ZNF507: variants seen among roughly 807,000 people sequenced by gnomAD.
ZNF507 encodes zinc finger protein 507.
In ZNF507, 29 loss-of-function variants were observed where a neutral mutation model predicts 80.0. That is an observed-to-expected ratio of 0.36 (90% CI 0.27 to 0.49). ZNF507 has a LOEUF of 0.49. Ranked by LOEUF, ZNF507 falls within the 20% of genes least tolerant of loss-of-function variation. The pLI is 0.98. For synonymous variants in ZNF507, 462 were observed against 422.5 expected (o/e 1.09, Z -1.15); for missense variants, 1,081 against 1,152.2 (o/e 0.94, Z 0.90).
Position 32,352,991 on chromosome 19 carries a change from T to C in ZNF507, c.161T>C (p.Ile54Thr). The C allele has an allele frequency of 6.2e-7, 1 of 1,613,972 alleles. No individual in the cohort carries two copies. Among genetic ancestry groups the C allele is most frequent in the South Asian group, 1.1e-5 (1 of 91,034 alleles). Reference protein sequence around the residue: ...LIHVIQKLSKIVENEKSQKCL... With the variant: ...LIHVIQKLSKTVENEKSQKCL... ...CATGTTATCCAGAAGTTAAGCAAGA[T>C]AGTGGAAAATGAAAAGTCACAAAAA... The change falls in exon 3 of 7, where the codon ATA (isoleucine) becomes ACA (threonine). Residue 54 changes from isoleucine (I) to threonine (T), a missense_variant. Coordinates refer to ENST00000355898, the MANE Select transcript of ZNF507 (RefSeq NM_001136156.2).
intron 2 of ZNF507, among the ~76,000 whole-genome samples, chr19:32,348,515 AT>A (rs1967124270): frequency 6.6e-6 from 1 of 152,194 alleles, no homozygotes; most frequent in African/African-American, 2.4e-5. Context: ...CAAATAGCAA[AT>A]TATAAGGAAA....
chr19:32,364,565 T>C (rs1369753564), intron 5 of ZNF507, among the ~76,000 whole-genome samples: 1 of 152,216 alleles, frequency 6.6e-6, no homozygotes, highest in Non-Finnish European at 1.5e-5. Context: ...AGCTCCCACG[T>C]ATCAGTGAGA....
In ZNF507 at chr19:32,355,768, G is replaced by A. The variant is rs768067529; in HGVS notation, c.2127+811G>A. On this transcript the variant is annotated intron_variant, in intron 3 of 6. Transcript: ENST00000355898. ...GTAAAAAGGTCACAGGAGGGAGGCC[G>A]AGGCGGGCAGATCATGAGGTCAGGA... Among the ~76,000 whole-genome samples, 82 of 152,150 alleles carry A rather than the reference G, an allele frequency of 5.4e-4. 1 individual carries two copies. The highest frequency in any genetic ancestry group is 1.5e-3 in the African/African-American group (62 of 41,512).
At chr19:32,368,687 T>A (rs551747952) in intron 5 of ZNF507, among the ~76,000 whole-genome samples, 1 of 152,228 alleles carries the variant, frequency 6.6e-6, no homozygotes, top group Non-Finnish European at 1.5e-5. Flanking sequence ...TATTTTGTTT[T>A]GAAGAGATGA....
chr19:32,371,959 G>T (rs1368920693), intron 5 of ZNF507, among the ~76,000 whole-genome samples: 3 of 152,076 alleles, frequency 2.0e-5, no homozygotes, highest in African/African-American at 7.2e-5. Context: ...TATTCTTAAG[G>T]AGTCTTGCGG....
chr19:32,355,153 C>T (rs1040646721), intron 3 of ZNF507, among the ~76,000 whole-genome samples, 196 bp downstream of exon 3: 5 of 152,128 alleles, frequency 3.3e-5, no homozygotes, highest in South Asian at 2.1e-4. Flanking sequence ...CTGTAGAATC[C>T]TTTTCCCTGC....
intron 5 of ZNF507, among the ~76,000 whole-genome samples, chr19:32,370,642 G>A (rs117388962): frequency 2.5e-3 from 385 of 152,204 alleles, no homozygotes; most frequent in Non-Finnish European, 4.6e-3. Flanking sequence ...ACCCCTTATC[G>A]GATATGTGGT....
rs1967681779 is a variant in ZNF507, at chr19:32,385,856, A to C, written c.*2773A>C. 6.6e-6 allele frequency: 1 copy of C among 152,134 alleles called. No homozygotes were observed. The highest frequency in any genetic ancestry group is 2.1e-4 in the South Asian group (1 of 4,824). The allele number at this position is 152,134 out of a possible 1,614,324, so 9.4% of individuals were successfully genotyped here. On this transcript the variant is annotated 3_prime_UTR_variant, in exon 7 of 7. Transcript: ENST00000355898. ...AAAAAAATTCAGTAGGAATTCCTTC[A>C]TAGAATAACATGTTATTTATTGGTA...
At chr19:32,346,526 C>T (rs767522757) in intron 1 of ZNF507, among the ~76,000 whole-genome samples, 1 of 152,216 alleles carries the variant, frequency 6.6e-6, no homozygotes, top group Admixed American at 6.5e-5. Flanking sequence ...GTACTCCCCT[C>T]TCACTCAGAG....
chr19:32,346,586 CCTCA>C (rs1211431856), intron 1 of ZNF507, among the ~76,000 whole-genome samples: 1 of 152,212 alleles, frequency 6.6e-6, no homozygotes, highest in Admixed American at 6.5e-5. Context: ...CATTCCTTTA[CCTCA>C]CTAACTCGTT....
rs140331462 is a variant in ZNF507, at chr19:32,362,104, G to A, written c.2360+1486G>A. On this transcript the variant is annotated intron_variant, in intron 5 of 6. Transcript: ENST00000355898. ...CTAATTAGAGACGGGGTTTCGCCAG[G>A]TCTTGAACTCCTGGCCTCAAGTGTC... 3.1e-3 allele frequency among the ~76,000 whole-genome samples: 478 copies of A among 152,250 alleles called. 5 individuals carry two copies. The highest frequency in any genetic ancestry group is 0.011 in the African/African-American group (457 of 41,536).
intron 5 of ZNF507, among the ~76,000 whole-genome samples, chr19:32,369,784 A>G (rs1476811167): frequency 6.6e-6 from 1 of 152,178 alleles, no homozygotes; most frequent in East Asian, 1.9e-4. Flanking sequence ...GTTAAAATCT[A>G]CTTATTTAAC....
rs1408795463 is a variant in ZNF507 at position 32,354,730 on chromosome 19, A to G, written c.1900A>G (p.Ile634Val). ...GTCCGGAAACAATGTGGTGGAATAC[A>G]TCCCGAATGCTGAACGACCCTACCG... Reference protein sequence around the residue: ...SLSGNNVVEYIPNAERPYRCR... With the variant: ...SLSGNNVVEYVPNAERPYRCR... Residue 634 changes from isoleucine to valine, a missense_variant, in exon 3 of 7, where the codon ATC becomes GTC. By Grantham distance (29) the Ile-to-Val change is conservative. This residue lies in a region of ZNF507 where 614 missense variants were observed against 583.9 expected (regional missense o/e 1.05). Transcript: ENST00000355898. 3.1e-6 allele frequency: 5 copies of G among 1,614,100 alleles called. No homozygotes were observed. The highest frequency in any genetic ancestry group is 2.5e-6 in the Non-Finnish European group (3 of 1,180,042).
intron 5 of ZNF507, among the ~76,000 whole-genome samples, chr19:32,373,771 T>G (rs182507057): frequency 6.6e-6 from 1 of 152,376 alleles, no homozygotes; most frequent in East Asian, 1.9e-4. Context: ...CTAATTTTGC[T>G]TCCAGCATTA....
rs1361508136 is a variant in ZNF507 at position 32,382,966 on chromosome 19, T to G, written c.2745T>G (p.Ile915Met). Residue 915 changes from isoleucine (I) to methionine (M), a missense_variant, in exon 7 of 7, where the codon ATT becomes ATG. Physicochemically the swap from Ile to Met is conservative, Grantham distance 10. Coordinates refer to ENST00000355898, the MANE Select transcript of ZNF507 (RefSeq NM_001136156.2). ...EYCVLLFCCC[I>M]CGFESTSKEN... ...GCGTTTTACTCTTCTGCTGTTGTAT[T>G]TGTGGTTTTGAATCAACCAGCAAAG... 2 of 1,614,206 alleles carry G rather than the reference T, an allele frequency of 1.2e-6. No homozygotes were observed. The highest frequency in any genetic ancestry group is 2.2e-5 in the South Asian group (2 of 91,084).
rs577929422 is a variant in ZNF507, at chr19:32,377,655, A to G, written c.2361-4812A>G. On this transcript the variant is annotated intron_variant, in intron 5 of 6. Transcript: ENST00000355898. ...AATAACCACGTGTCCATACTGATGT[A>G]TATAAATGGTTGAATAGGTGGGTGA... 4.6e-5 allele frequency among the ~76,000 whole-genome samples: 7 copies of G among 152,308 alleles called. No individual in the cohort carries two copies. In the East Asian group the frequency reaches 1.4e-3, roughly 29 times the overall value.
At position 32,385,804 on chromosome 19, in the gene ZNF507, G is replaced by C. The variant is rs1440725852; in HGVS notation, c.*2721G>C. 3.3e-5 allele frequency: 5 copies of C among 152,022 alleles called. No homozygotes were observed. Among genetic ancestry groups the C allele is most frequent in the Non-Finnish European group, 7.3e-5 (5 of 68,034 alleles). The allele number at this position is 152,022 out of a possible 1,614,324, so 9.4% of individuals were successfully genotyped here. A position where few individuals can be genotyped will look rare whatever the true frequency, so the allele number is the denominator to read the frequency against. On this transcript the variant is annotated 3_prime_UTR_variant, in exon 7 of 7. Transcript: ENST00000355898. ...GCACTCCAACCGGGGTGACAGATGA[G>C]GTCCTCTGTTTACCTCCCCCCCCAA...
At chr19:32,376,238 G>T (rs1035913048) in intron 5 of ZNF507, among the ~76,000 whole-genome samples, 4 of 151,972 alleles carry the variant, frequency 2.6e-5, no homozygotes, top group Admixed American at 2.0e-4. Flanking sequence ...TATATCTAGT[G>T]ATAACGCTAT....
chr19:32,357,312 T>C lies in ZNF507; in HGVS notation c.2245+579T>C, dbSNP rs189677845. 7 of 152,408 alleles carry C rather than the reference T, an allele frequency of 4.6e-5. No individual in the cohort carries two copies. In the East Asian group the frequency reaches 1.3e-3, roughly 29 times the overall value. 9.4% of individuals were successfully genotyped at this position (152,408 alleles called of 1,614,324 possible). A position where few individuals can be genotyped will look rare whatever the true frequency, so the allele number is the denominator to read the frequency against. ...ATCAAAAGATTTAATTAGAGCTCCATGAAAAGGCGGATGCCACATCCGGAG... is the reference window on the plus strand; with the variant it reads ...ATCAAAAGATTTAATTAGAGCTCCACGAAAAGGCGGATGCCACATCCGGAG... On this transcript the variant is annotated intron_variant, in intron 4 of 6. Coordinates refer to ENST00000355898, the MANE Select transcript of ZNF507 (RefSeq NM_001136156.2).
Sources: gnomAD v4.1 joint callset for allele counts (sites outside exome capture counted in the v4.1 genomes callset) on GRCh38, gnomAD v4.1.1 for gene constraint, gnomAD v4.1.1 regional missense constraint, MANE v1.5 for transcripts, NCBI Gene and HGNC (gene_info 2026-07-23, HGNC 2026-07-21) for gene names.